The following ACVR2B variants were observed in gnomAD, a reference collection of about 807,000 sequenced individuals.
The protein encoded by ACVR2B is activin receptor type-2B.
A neutral mutation model predicts 65.1 loss-of-function variants in ACVR2B; 18 were observed. That is an observed-to-expected ratio of 0.28 (90% CI 0.19 to 0.41). The LOEUF is 0.41. Among genes scored for constraint, ACVR2B ranks in the 10% least tolerant of loss-of-function variants. The probability of loss-of-function intolerance (pLI) is 1.00; values close to 1 mark genes in which losing one functional copy is unlikely to be tolerated. For synonymous variants in ACVR2B, 298 were observed against 277.7 expected (o/e 1.07, Z -0.73); for missense variants, 482 against 682.7 (o/e 0.71, Z 3.28).
In ACVR2B at chr3:38,477,393, G is replaced by A. The variant is rs369900568; in HGVS notation, c.159G>A (p.Gln53=). 9 of 1,614,198 alleles carry A rather than the reference G, an allele frequency of 5.6e-6. No homozygotes were observed. Among genetic ancestry groups the A allele is most frequent in the Non-Finnish European group, 7.6e-6 (9 of 1,180,018 alleles). The stretch of plus-strand genomic sequence containing the variant: ...GCCTGGAGCGCTGCGAAGGCGAGCA[G>A]GACAAGCGGCTGCACTGCTACGCCT... ...QSGLERCEGE[Q]DKRLHCYASW... is the part of the protein sequence containing the mutation. Residue 53 remains glutamine (Q), a synonymous_variant, in exon 2 of 11, where the codon CAG becomes CAA. Coordinates refer to ENST00000352511, the MANE Select transcript of ACVR2B (RefSeq NM_001106.4). This position sits in a 1 kb window ranked among gnomAD's most constrained non-coding sequence, Gnocchi z 6.7.
rs1409534047 is a variant in ACVR2B at position 38,454,367 on chromosome 3, G to T, written c.45G>T (p.Leu15=). The stretch of plus-strand genomic sequence containing the variant: ...CCCTCGCCCTCCTCTGGGGATCGCT[G>T]TGCGCCGGTAAGAACTGGGCGCGGC... The part of the protein sequence containing the change: ...WVALALLWGS[L]CAGSGRGEAE... The change falls in exon 1 of 11, where the codon CTG becomes CTT. Residue 15 remains leucine (L), a synonymous_variant. Coordinates refer to ENST00000352511, the MANE Select transcript of ACVR2B (RefSeq NM_001106.4). The T allele has an allele frequency of 2.3e-6, 3 of 1,277,028 alleles. No individual in the cohort carries two copies. The highest frequency in any genetic ancestry group is 3.0e-6 in the Non-Finnish European group (3 of 1,013,898). The allele number at this position is 1,277,028 out of a possible 1,614,324, so 79.1% of individuals were successfully genotyped here.
At chr3:38,466,145 T>C (rs572634640) in intron 1 of ACVR2B, among the ~76,000 whole-genome samples, 1 of 152,350 alleles carries the variant, frequency 6.6e-6, no homozygotes, top group Admixed American at 6.5e-5. Context: ...CTCACTTATA[T>C]GTGGAATCTA....
intron 1 of ACVR2B, among the ~76,000 whole-genome samples, chr3:38,464,997 A>T (rs1178921945): frequency 6.6e-6 from 1 of 152,182 alleles, no homozygotes; most frequent in Non-Finnish European, 1.5e-5. Flanking sequence ...TAATTTTGCA[A>T]ATACAATGAC....
At chr3:38,465,979 T>A (rs1317846270) in intron 1 of ACVR2B, among the ~76,000 whole-genome samples, 3 of 152,170 alleles carry the variant, frequency 2.0e-5, no homozygotes, top group Admixed American at 1.3e-4. Flanking sequence ...ATAGAAACAG[T>A]GGAAGCCAGA....
rs1270036753 is a variant in ACVR2B at position 38,481,210 on chromosome 3, T to A, written c.960-141T>A. ...GGCGCCTGCAGCTGCCTGCTTGTGCTGCTTCACCTCTGCACCCCAGGTAGG... is the reference window on the plus strand; with the variant it reads ...GGCGCCTGCAGCTGCCTGCTTGTGCAGCTTCACCTCTGCACCCCAGGTAGG... On this transcript the variant is annotated intron_variant, in intron 7 of 10. Coordinates refer to ENST00000352511, the MANE Select transcript of ACVR2B (RefSeq NM_001106.4). This position sits in a 1 kb window ranked among gnomAD's most constrained non-coding sequence, Gnocchi z 4.7. 3.7e-5 allele frequency: 28 copies of A among 759,284 alleles called. No individual in the cohort carries two copies. The East Asian group carries it at 6.8e-4, about 18-fold the overall frequency. The allele number at this position is 759,284 out of a possible 1,614,324, so 47.0% of individuals were successfully genotyped here.
At position 38,481,411 on chromosome 3, in the gene ACVR2B, T is replaced by C. The variant is rs1710015989; in HGVS notation, c.1020T>C (p.Phe340=). ...KSDLTAVLAD[F]GLAVRFEPGK... Reference sequence around the variant, plus strand: ...ACCTCACAGCCGTGCTGGCTGACTTTGGCTTGGCTGTTCGATTTGAGCCAG... The same window carrying C: ...ACCTCACAGCCGTGCTGGCTGACTTCGGCTTGGCTGTTCGATTTGAGCCAG... The change falls in exon 8 of 11, where the codon TTT becomes TTC. Residue 340 remains phenylalanine, a synonymous_variant. Transcript: ENST00000352511. The surrounding 1 kb of genome is among the most constrained non-coding windows in gnomAD (Gnocchi z 4.7). 1 of 1,614,210 alleles carries C rather than the reference T, an allele frequency of 6.2e-7. No homozygotes were observed. The highest frequency in any genetic ancestry group is 1.1e-5 in the South Asian group (1 of 91,090).
At position 38,492,028 on chromosome 3, in the gene ACVR2B, G is replaced by A. The variant is rs886058426; in HGVS notation, c.*8696G>A. The A allele has an allele frequency of 2.6e-5, 4 of 152,170 alleles. No individual in the cohort carries two copies. Among genetic ancestry groups the A allele is most frequent in the Non-Finnish European group, 5.9e-5 (4 of 68,032 alleles). 9.4% of individuals were successfully genotyped at this position (152,170 alleles called of 1,614,324 possible). On this transcript the variant is annotated 3_prime_UTR_variant, in exon 11 of 11. Transcript: ENST00000352511. ...AATCTGAATAACTTTATACAGTACT[G>A]TAAATTTAACTTACATCGAGTTTGT... is the stretch of plus-strand genomic sequence containing the variant.
intron 1 of ACVR2B, among the ~76,000 whole-genome samples, chr3:38,455,652 C>A (rs1224455099): frequency 1.3e-5 from 2 of 152,154 alleles, no homozygotes; most frequent in African/African-American, 4.8e-5. Context: ...AGCCTGAGTC[C>A]GGAAACCGAA....
intron 1 of ACVR2B, chr3:38,476,956 C>G (rs1559652503): frequency 2.3e-6 from 1 of 436,900 alleles, no homozygotes. Flanking sequence ...GTGTTGGTGC[C>G]CTTTCTGTGC....
chr3:38,471,746 T>G (rs1427490294), intron 1 of ACVR2B, among the ~76,000 whole-genome samples: 1 of 152,176 alleles, frequency 6.6e-6, no homozygotes, highest in Non-Finnish European at 1.5e-5. Context: ...GTAACTTGGG[T>G]AGGTTACTTA....
At chr3:38,461,221 A>G (rs1345386250) in intron 1 of ACVR2B, among the ~76,000 whole-genome samples, 4 of 152,040 alleles carry the variant, frequency 2.6e-5, no homozygotes, top group African/African-American at 9.7e-5. Flanking sequence ...CAACTGGATT[A>G]TGTGTCCGTT....
At position 38,484,848 on chromosome 3, in the gene ACVR2B, G is replaced by C. The variant is rs900606110; in HGVS notation, c.*1516G>C. 1 of 152,612 alleles carries C rather than the reference G, an allele frequency of 6.6e-6. No individual in the cohort carries two copies. The highest frequency in any genetic ancestry group is 1.9e-4 in the East Asian group (1 of 5,202). 9.5% of individuals were successfully genotyped at this position (152,612 alleles called of 1,614,324 possible). A position where few individuals can be genotyped will look rare whatever the true frequency, so the allele number is the denominator to read the frequency against. On this transcript the variant is annotated 3_prime_UTR_variant, in exon 11 of 11. Transcript: ENST00000352511. ...TATATTTTGTTAGTTGTGTTGTCTTGTAGTAAGTATATTTTAATGTAAGTT... is the reference window on the plus strand; with the variant it reads ...TATATTTTGTTAGTTGTGTTGTCTTCTAGTAAGTATATTTTAATGTAAGTT...
At chr3:38,478,594 C>A (rs2125723392) in intron 5 of ACVR2B, 76 bp downstream of exon 5, 1 of 1,592,858 alleles carries the variant, frequency 6.3e-7, no homozygotes, top group Admixed American at 1.7e-5. Context: ...TGACCTGGGG[C>A]AATCCAAACC....
chr3:38,491,483 A>T lies in ACVR2B; in HGVS notation c.*8151A>T, dbSNP rs1242645459. 2 of 152,638 alleles carry T rather than the reference A, an allele frequency of 1.3e-5. No individual in the cohort carries two copies. The highest frequency in any genetic ancestry group is 2.9e-5 in the Non-Finnish European group (2 of 68,044). 9.5% of individuals were successfully genotyped at this position (152,638 alleles called of 1,614,324 possible). On this transcript the variant is annotated 3_prime_UTR_variant, in exon 11 of 11. Transcript: ENST00000352511. ...CAGTCCCTGCAAGTGCTTTAGCCCG[A>T]GTGGGGTTTTCTCAGAGCACTGCCA...
rs1710104144 is a variant in ACVR2B, at chr3:38,485,564, A to G, written c.*2232A>G. The G allele has an allele frequency of 6.7e-6, 1 of 148,456 alleles. No homozygotes were observed. Among genetic ancestry groups the G allele is most frequent in the South Asian group, 2.2e-4 (1 of 4,566 alleles). 9.2% of individuals were successfully genotyped at this position (148,456 alleles called of 1,614,324 possible). On this transcript the variant is annotated 3_prime_UTR_variant, in exon 11 of 11. Coordinates refer to ENST00000352511, the MANE Select transcript of ACVR2B (RefSeq NM_001106.4). ...GTGTTGGGGCACAGGGTGCTATGGG[A>G]GGCCCATTTGCTTCCCTCTCGGAGC...
chr3:38,487,764 A>G lies in ACVR2B; in HGVS notation c.*4432A>G, dbSNP rs564908857. On this transcript the variant is annotated 3_prime_UTR_variant, in exon 11 of 11. Transcript: ENST00000352511. ...TGGTTTTTAAAATAATACAGTAAGC[A>G]TAAGTATGTAAGTTTTTAGAATTGG... is the stretch of plus-strand genomic sequence containing the variant. 1 of 152,374 alleles carries G rather than the reference A, an allele frequency of 6.6e-6. No homozygotes were observed. The highest frequency in any genetic ancestry group is 6.5e-5 in the Admixed American group (1 of 15,314). The allele number at this position is 152,374 out of a possible 1,614,324, so 9.4% of individuals were successfully genotyped here.
rs1015116518 is a variant in ACVR2B at position 38,491,183 on chromosome 3, A to T, written c.*7851A>T. The stretch of plus-strand genomic sequence containing the variant: ...TGATGTATTTTAAATAAATATATAT[A>T]TTTTTTAAAGAGCCTTTTTTACCAG... On this transcript the variant is annotated 3_prime_UTR_variant, in exon 11 of 11. Coordinates refer to ENST00000352511, the MANE Select transcript of ACVR2B (RefSeq NM_001106.4). The T allele has an allele frequency of 4.6e-5, 7 of 152,334 alleles. No homozygotes were observed. Among genetic ancestry groups the T allele is most frequent in the African/African-American group, 9.6e-5 (4 of 41,538 alleles). 9.4% of individuals were successfully genotyped at this position (152,334 alleles called of 1,614,324 possible). A position where few individuals can be genotyped will look rare whatever the true frequency, so the allele number is the denominator to read the frequency against.
chr3:38,472,178 G>A (rs1323269344), intron 1 of ACVR2B, among the ~76,000 whole-genome samples: 2 of 152,168 alleles, frequency 1.3e-5, no homozygotes, highest in African/African-American at 4.8e-5. Flanking sequence ...CTACACCCCA[G>A]CTGCCCTTAC....
chr3:38,459,075 C>T (rs523010), intron 1 of ACVR2B, among the ~76,000 whole-genome samples: 16 of 152,276 alleles, frequency 1.1e-4, no homozygotes, highest in African/African-American at 2.9e-4. Context: ...AACCACTGAT[C>T]TAGAATGTTC....
Sources: allele counts gnomAD v4.1 joint callset (sites outside exome capture counted in the v4.1 genomes callset), GRCh38; gene constraint gnomAD v4.1.1; non-coding constraint Gnocchi (gnomAD v3.1); transcripts MANE v1.5; gene names NCBI Gene and HGNC (gene_info 2026-07-23, HGNC 2026-07-21).